Variants in ATXN1 observed in about 807,000 individuals in gnomAD.
ATXN1 encodes the protein ataxin 1, also known as ataxin-1.
Under a neutral mutation model 56.4 loss-of-function variants are expected in ATXN1, and 8 were observed. That is an observed-to-expected ratio of 0.14 (90% CI 0.08 to 0.26). The LOEUF is 0.26. Among genes scored for constraint, ATXN1 ranks in the 10% least tolerant of loss-of-function variants. The pLI is 1.00. For synonymous variants in ATXN1, 514 were observed against 494.6 expected, an observed-to-expected ratio of 1.04 and a Z score of -0.52; for missense variants, 987 against 1,106.5, an observed-to-expected ratio of 0.89 and a Z score of 1.53.
At chr6:16,642,130 G>A (rs768874685) in intron 3 of ATXN1, among the ~76,000 whole-genome samples, 15 of 152,350 alleles carry the variant, frequency 9.8e-5, no homozygotes, top group Admixed American at 2.6e-4. Context: ...GCTCACGCTT[G>A]TAATCTCAGC....
At chr6:16,651,897 C>CGT (rs1368252646) in intron 3 of ATXN1, 1 of 152,220 alleles carries the variant, frequency 6.6e-6, no homozygotes, top group Non-Finnish European at 1.5e-5. Context: ...ACAATGTGCA[C>CGT]GTGTGCCAGT....
chr6:16,556,692 C>T (rs1762020541), intron 4 of ATXN1, among the ~76,000 whole-genome samples: 1 of 152,148 alleles, frequency 6.6e-6, no homozygotes, highest in East Asian at 1.9e-4. Flanking sequence ...TGAGAAGCAT[C>T]CCATTAAAAA....
At chr6:16,574,529 G>A (rs1173964383) in intron 4 of ATXN1, among the ~76,000 whole-genome samples, 4 of 152,178 alleles carry the variant, frequency 2.6e-5, no homozygotes, top group Non-Finnish European at 5.9e-5. Context: ...ATTTTCAGTA[G>A]AGATGGGGTT....
At chr6:16,312,772 G>A (rs1321349573) in intron 7 of ATXN1, among the ~76,000 whole-genome samples, 1 of 152,146 alleles carries the variant, frequency 6.6e-6, no homozygotes, top group Non-Finnish European at 1.5e-5. Context: ...GTGCCCAAAT[G>A]TCTATGGTCC....
At position 16,760,829 on chromosome 6, in the gene ATXN1, C is replaced by T. The variant is rs1360066375; in HGVS notation, c.-730+469G>A. Among the ~76,000 whole-genome samples, 2 of 151,080 alleles carry T rather than the reference C, an allele frequency of 1.3e-5. No individual in the cohort carries two copies. Among genetic ancestry groups the T allele is most frequent in the Admixed American group, 1.3e-4 (2 of 15,212 alleles). On this transcript the variant is annotated intron_variant, in intron 1 of 7. Transcript: ENST00000436367. This position sits in a 1 kb window ranked among gnomAD's most constrained non-coding sequence, Gnocchi z 5.3. ...CCCCCAACCCCAGCCGCCGCCTCCC[C>T]CCTGCGCCACCCGGAGGGAGGAGGA...
At chr6:16,448,989 G>A (rs1465794071) in intron 6 of ATXN1, among the ~76,000 whole-genome samples, 4 of 152,176 alleles carry the variant, frequency 2.6e-5, no homozygotes, top group Admixed American at 6.5e-5. Flanking sequence ...TAGTTACCCC[G>A]TTAATCAAAT....
intron 6 of ATXN1, among the ~76,000 whole-genome samples, chr6:16,450,721 G>A (rs1193475390): frequency 6.6e-6 from 1 of 152,092 alleles, no homozygotes; most frequent in Non-Finnish European, 1.5e-5. Context: ...TCCCTTCTGG[G>A]GACCTTGTAG....
At chr6:16,473,729 G>A (rs1189383898) in intron 6 of ATXN1, among the ~76,000 whole-genome samples, 2 of 152,116 alleles carry the variant, frequency 1.3e-5, no homozygotes, top group Admixed American at 6.5e-5. Context: ...AGATTCATAC[G>A]GATATTGCTG....
rs1327401989 is a variant in ATXN1, at chr6:16,760,176, G to T, written c.-730+1122C>A. 2.0e-5 allele frequency among the ~76,000 whole-genome samples: 3 copies of T among 151,938 alleles called. No homozygotes were observed. Among genetic ancestry groups the T allele is most frequent in the Non-Finnish European group, 4.4e-5 (3 of 67,934 alleles). ...CGGGAGTGGCAGAGTCTCCGGCCCG[G>T]CCCAGAGTGAACGAGCAGTGGGGCT... is the stretch of plus-strand genomic sequence containing the variant. On this transcript the variant is annotated intron_variant, in intron 1 of 7. Transcript: ENST00000436367. The surrounding 1 kb of genome is among the most constrained non-coding windows in gnomAD (Gnocchi z 5.3).
At chr6:16,564,428 A>G (rs1762177207) in intron 4 of ATXN1, among the ~76,000 whole-genome samples, 1 of 152,274 alleles carries the variant, frequency 6.6e-6, no homozygotes, top group African/African-American at 2.4e-5. Context: ...AGCACTGTTC[A>G]TAATAGTGAA....
chr6:16,535,982 G>A (rs1761590318), intron 4 of ATXN1, among the ~76,000 whole-genome samples: 2 of 152,078 alleles, frequency 1.3e-5, no homozygotes, highest in African/African-American at 2.4e-5. Flanking sequence ...GGGCCAAAGA[G>A]GGTGGATCAC....
chr6:16,680,690 T>C (rs879450797), intron 2 of ATXN1, among the ~76,000 whole-genome samples: 14 of 152,280 alleles, frequency 9.2e-5, no homozygotes, highest in Non-Finnish European at 1.3e-4. Flanking sequence ...TTTTTCACTG[T>C]TATATACAAG....
chr6:16,495,610 C>G (rs1373427866), intron 5 of ATXN1, among the ~76,000 whole-genome samples: 1 of 152,160 alleles, frequency 6.6e-6, no homozygotes, highest in African/African-American at 2.4e-5. Flanking sequence ...CGCCTATAAT[C>G]CCTGTACTTT....
intron 2 of ATXN1, among the ~76,000 whole-genome samples, chr6:16,731,446 T>C (rs1336246286): frequency 1.5e-5 from 2 of 134,636 alleles, no homozygotes; most frequent in African/African-American, 6.1e-5. Context: ...AGGCTTTTTT[T>C]TTCTTTTCTT....
chr6:16,730,487 G>GTATGTGTATA lies in ATXN1; in HGVS notation c.-615+22745_-615+22746insTATACACATA, dbSNP rs1554128995. On this transcript the variant is annotated intron_variant, in intron 2 of 7. Transcript: ENST00000436367. ...CTGGAGTTAAAGGGTAAAACAGTATGTATATATATATATATATATAAATGT... is the reference window on the plus strand; with the variant it reads ...CTGGAGTTAAAGGGTAAAACAGTATGTATGTGTATATATATATATATATATATATAAATGT... 6.1e-5 allele frequency among the ~76,000 whole-genome samples: 8 copies of GTATGTGTATA among 132,058 alleles called. 1 individual carries two copies. Among genetic ancestry groups the GTATGTGTATA allele is most frequent in the Non-Finnish European group, 1.3e-4 (8 of 60,360 alleles). The allele number at this position is 132,058 out of a possible 152,430, so 86.6% of individuals were successfully genotyped here. A position where few individuals can be genotyped will look rare whatever the true frequency, so the allele number is the denominator to read the frequency against.
intron 6 of ATXN1, among the ~76,000 whole-genome samples, chr6:16,462,080 G>T (rs1760010676): frequency 6.6e-6 from 1 of 152,186 alleles, no homozygotes; most frequent in Admixed American, 6.5e-5. Context: ...CCTACCCAAA[G>T]GATGTCACAG....
intron 2 of ATXN1, among the ~76,000 whole-genome samples, chr6:16,691,762 T>G (rs987602796): frequency 6.6e-6 from 1 of 152,262 alleles, no homozygotes; most frequent in Non-Finnish European, 1.5e-5. Flanking sequence ...GGTCACTGTT[T>G]ATGCCTTGGC....
At chr6:16,440,352 C>A (rs1031762114) in intron 6 of ATXN1, among the ~76,000 whole-genome samples, 1 of 150,880 alleles carries the variant, frequency 6.6e-6, no homozygotes, top group African/African-American at 2.4e-5. Context: ...GAACACTAAT[C>A]CCAATAAAAA....
chr6:16,731,995 C>T (rs1156378085), intron 2 of ATXN1, among the ~76,000 whole-genome samples: 2 of 152,120 alleles, frequency 1.3e-5, no homozygotes, highest in Admixed American at 6.6e-5. Flanking sequence ...TACTCAAACA[C>T]GGCTTTTAAA....
Sources: allele counts gnomAD v4.1 joint callset (sites outside exome capture counted in the v4.1 genomes callset), GRCh38; gene constraint gnomAD v4.1.1; non-coding constraint Gnocchi (gnomAD v3.1); transcripts MANE v1.5; gene names NCBI Gene and HGNC (gene_info 2026-07-23, HGNC 2026-07-21).